The following CLUAP1 variants were observed in gnomAD, a reference collection of about 807,000 sequenced individuals.
CLUAP1 encodes the protein clusterin-associated protein 1.
Under a neutral mutation model 55.0 loss-of-function variants are expected in CLUAP1, and 50 were observed. The observed-to-expected ratio is 0.91, with a 90% confidence interval of 0.72 to 1.15. The LOEUF is 1.15. CLUAP1 is among the 50% of genes most tolerant of loss of function. CLUAP1 has a pLI of 0.00. For synonymous variants in CLUAP1, 195 were observed against 175.4 expected, an observed-to-expected ratio of 1.11 and a Z score of -0.88; for missense variants, 530 against 507.6, an observed-to-expected ratio of 1.04 and a Z score of -0.42.
intron 4 of CLUAP1, among the ~76,000 whole-genome samples, chr16:3,510,819 C>T (rs1357538195): frequency 1.3e-5 from 2 of 152,326 alleles, no homozygotes; most frequent in Admixed American, 6.5e-5. Context: ...TGTACTGAAG[C>T]AGAGAAGGTT....
intron 6 of CLUAP1, 57 bp downstream of exon 6, chr16:3,515,648 A>T: frequency 8.2e-7 from 1 of 1,217,820 alleles, no homozygotes; most frequent in South Asian, 1.4e-5. Context: ...AAAAATACTG[A>T]TTTCTTGCCC....
At chr16:3,501,270 C>T (rs1440557531) in intron 1 of CLUAP1, among the ~76,000 whole-genome samples, 181 bp downstream of exon 1, 3 of 152,258 alleles carry the variant, frequency 2.0e-5, no homozygotes, top group Non-Finnish European at 4.4e-5. Flanking sequence ...CCAGGCCCTT[C>T]TTCGGCCATT....
chr16:3,530,107 C>T (rs972276899), intron 9 of CLUAP1, among the ~76,000 whole-genome samples: 23 of 150,764 alleles, frequency 1.5e-4, no homozygotes, highest in African/African-American at 3.2e-4. Flanking sequence ...AAAGAGAGGG[C>T]GAGAGAGAGC....
chr16:3,530,544 T>C, intron 9 of CLUAP1, 24 bp from the exon 10 acceptor site: 2 of 1,586,584 alleles, frequency 1.3e-6, no homozygotes, highest in Non-Finnish European at 1.7e-6. Flanking sequence ...ACTCCTTTGT[T>C]TTGCCTGCTT....
intron 5 of CLUAP1, among the ~76,000 whole-genome samples, chr16:3,513,591 A>T (rs1165406639): frequency 6.6e-6 from 1 of 152,146 alleles, no homozygotes; most frequent in Non-Finnish European, 1.5e-5. Context: ...CTGCAATTAC[A>T]GATATGTGTC....
chr16:3,501,872 A>G (rs2037410163), intron 1 of CLUAP1, among the ~76,000 whole-genome samples: 1 of 152,024 alleles, frequency 6.6e-6, no homozygotes, highest in South Asian at 2.1e-4. Context: ...AGTTTTAACG[A>G]TCTGCCAGGG....
chr16:3,512,077 T>C (rs539525377), intron 4 of CLUAP1, among the ~76,000 whole-genome samples: 86 of 152,008 alleles, frequency 5.7e-4, no homozygotes, highest in Non-Finnish European at 1.1e-3. Context: ...TCCCAGCCAC[T>C]TGGGAGGCTG....
At chr16:3,509,638 C>T (rs1191217074) in intron 4 of CLUAP1, among the ~76,000 whole-genome samples, 1 of 152,144 alleles carries the variant, frequency 6.6e-6, no homozygotes, top group African/African-American at 2.4e-5. Context: ...GAGCAGGAGA[C>T]CTAGGAATGA....
intron 1 of CLUAP1, among the ~76,000 whole-genome samples, chr16:3,502,309 T>C (rs1220784314): frequency 6.6e-6 from 1 of 151,980 alleles, no homozygotes; most frequent in African/African-American, 2.4e-5. Flanking sequence ...CCGGGCATGG[T>C]GGCGCGCGTC....
chr16:3,506,365 G>A lies in CLUAP1; in HGVS notation c.169G>A (p.Asp57Asn), dbSNP rs757623009. The change falls in exon 3 of 12, where the codon GAT becomes AAT. Residue 57 changes from aspartate to asparagine, a missense_variant. By Grantham distance (23) the Asp-to-Asn change is conservative. Transcript: ENST00000576634. ...EPQTDIPPDVDTEQDRVFFIK... is the reference protein window; with the variant it reads ...EPQTDIPPDVNTEQDRVFFIK... Reference sequence around the variant, plus strand: ...CCAGACTGACATCCCGCCTGACGTGGATACTGAACAGGACCGAGTTTTCTT... The same window carrying A: ...CCAGACTGACATCCCGCCTGACGTGAATACTGAACAGGACCGAGTTTTCTT... The A allele has an allele frequency of 6.2e-7, 1 of 1,613,966 alleles. No individual in the cohort carries two copies. Among genetic ancestry groups the A allele is most frequent in the African/African-American group, 1.3e-5 (1 of 74,884 alleles).
chr16:3,518,288 T>G (rs2037767914), intron 6 of CLUAP1, among the ~76,000 whole-genome samples: 1 of 152,250 alleles, frequency 6.6e-6, no homozygotes, highest in Admixed American at 6.5e-5. Context: ...GGCATGAATG[T>G]GCCCTTAGCA....
intron 5 of CLUAP1, among the ~76,000 whole-genome samples, chr16:3,513,107 T>C (rs2037663886): frequency 6.6e-6 from 1 of 152,200 alleles, no homozygotes; most frequent in Non-Finnish European, 1.5e-5. Context: ...TGCTTCAGCA[T>C]TTTCTCAAAA....
At chr16:3,510,639 A>G (rs1037587012) in intron 4 of CLUAP1, among the ~76,000 whole-genome samples, 1 of 152,168 alleles carries the variant, frequency 6.6e-6, no homozygotes, top group African/African-American at 2.4e-5. Context: ...CTCTACGGGA[A>G]CCACTGGCCA....
chr16:3,519,123 C>T (rs889377975), intron 6 of CLUAP1, among the ~76,000 whole-genome samples: 2 of 152,192 alleles, frequency 1.3e-5, no homozygotes, highest in East Asian at 1.9e-4. Context: ...GTGAAGACGG[C>T]GCACTACCAG....
intron 6 of CLUAP1, among the ~76,000 whole-genome samples, chr16:3,517,555 G>A (rs1348144420): frequency 6.6e-6 from 1 of 151,754 alleles, no homozygotes; most frequent in Admixed American, 6.6e-5. Context: ...CAGGTGATCC[G>A]CCCGCCTTGA....
chr16:3,534,462 C>G (rs1282336634), intron 11 of CLUAP1: 1 of 152,648 alleles, frequency 6.6e-6, no homozygotes, highest in Non-Finnish European at 1.5e-5. Context: ...GATGAAGACT[C>G]TGTTTTCTCT....
At chr16:3,498,879 CAAACA>C (rs911729801), upstream of CLUAP1, among the ~76,000 whole-genome samples, 4 of 147,290 alleles carry the variant, frequency 2.7e-5, no homozygotes, top group South Asian at 2.2e-4. Context: ...AACAAACAAA[CAAACA>C]AACAACAACA....
intron 3 of CLUAP1, among the ~76,000 whole-genome samples, chr16:3,507,680 TTG>T (rs61672090): frequency 0.14 from 20,455 of 142,840 alleles, 1,650 homozygotes; most frequent in South Asian, 0.22. Context: ...CTTCCAGAGT[TTG>T]TGTGTGTGTG....
At chr16:3,518,203 TC>T (rs2037766094) in intron 6 of CLUAP1, among the ~76,000 whole-genome samples, 1 of 152,222 alleles carries the variant, frequency 6.6e-6, no homozygotes, top group Admixed American at 6.5e-5. Context: ...TTTGATTGTT[TC>T]TAAATTTAAA....
Sources: allele counts gnomAD v4.1 joint callset (sites outside exome capture counted in the v4.1 genomes callset), GRCh38; gene constraint gnomAD v4.1.1; transcripts MANE v1.5; gene names NCBI Gene and HGNC (gene_info 2026-07-23, HGNC 2026-07-21).